Variants in MALAT1 observed in about 807,000 individuals in gnomAD.
MALAT1 encodes metastasis associated lung adenocarcinoma transcript 1.
rs765561331 is a variant in MALAT1 at position 65,499,237 on chromosome 11, G to A, written n.500G>A. ...ATTTTAATAGCTTAAGATTTTAAGA[G>A]AAAATATGAAGACTTAGAAGAGTAG... On this transcript the variant is annotated non_coding_transcript_exon_variant, in exon 3 of 4. Transcript: ENST00000619449. The A allele has an allele frequency of 7.9e-6, 4 of 504,416 alleles. No individual in the cohort carries two copies. The Admixed American group carries it at 8.3e-5, about 11-fold the overall frequency. The allele number at this position is 504,416 out of a possible 1,614,324, so 31.2% of individuals were successfully genotyped here. A position where few individuals can be genotyped will look rare whatever the true frequency, so the allele number is the denominator to read the frequency against.
downstream of MALAT1, chr11:65,506,508 G>T: frequency 3.7e-6 from 1 of 267,768 alleles, no homozygotes; most frequent in East Asian, 1.2e-4. Flanking sequence ...ATCTTGATTG[G>T]GGAAAAAAGA....
exon 3 of MALAT1, chr11:65,503,657 TAAATA>T (rs764217042): frequency 2.1e-5 from 11 of 513,312 alleles, no homozygotes; most frequent in Non-Finnish European, 3.5e-5. Context: ...TCTCCTTATT[TAAATA>T]AAATAGTGTT....
chr11:65,498,908 A>G (rs776495780), intron 2 of MALAT1: 6 of 518,592 alleles, frequency 1.2e-5, no homozygotes, highest in Non-Finnish European at 2.3e-5. Context: ...AGAAAAATCT[A>G]GAAAAGTAAA....
chr11:65,498,810 C>T (rs560761689), intron 2 of MALAT1: 24 of 518,740 alleles, frequency 4.6e-5, no homozygotes, highest in Non-Finnish European at 9.2e-5. Flanking sequence ...TTTCTTTTGT[C>T]TAAAGTTTGC....
exon 3 of MALAT1, chr11:65,499,311 G>T: frequency 2.0e-6 from 1 of 510,204 alleles, no homozygotes; most frequent in Admixed American, 2.0e-5. Flanking sequence ...CGGAGGTTGA[G>T]ATGAAGCTTC....
At chr11:65,504,202 T>C in intron 3 of MALAT1, 1 of 518,086 alleles carries the variant, frequency 1.9e-6, no homozygotes. Context: ...CTTCCTTCTG[T>C]TCTAGTGAGT....
At chr11:65,504,613 C>T (rs1355337236) in intron 3 of MALAT1, 1 of 518,726 alleles carries the variant, frequency 1.9e-6, no homozygotes, top group Non-Finnish European at 3.8e-6. Context: ...GCTTTTTGTT[C>T]ATTTCTGGTG....
intron 3 of MALAT1, chr11:65,506,170 C>A: frequency 2.4e-6 from 1 of 418,256 alleles, no homozygotes; most frequent in Non-Finnish European, 4.6e-6. Flanking sequence ...ATCCCTGCGG[C>A]GTCTTTGCTT....
At chr11:65,503,952 C>T (rs774059848) in intron 3 of MALAT1, 4 of 515,102 alleles carry the variant, frequency 7.8e-6, no homozygotes, top group Admixed American at 2.0e-5. Context: ...ATTTTATTTC[C>T]AGAAAGTCAG....
At chr11:65,503,462 A>C (rs779701501) in exon 3 of MALAT1, 1 of 517,302 alleles carries the variant, frequency 1.9e-6, no homozygotes, top group East Asian at 5.4e-5. Flanking sequence ...CCTTGATGCC[A>C]ACTAAGGAAA....
At chr11:65,501,475 C>G (rs780106896) in exon 3 of MALAT1, 2 of 515,176 alleles carry the variant, frequency 3.9e-6, no homozygotes, top group Non-Finnish European at 7.8e-6. Context: ...CTTAATCAGA[C>G]TTTAAAAGTG....
exon 3 of MALAT1, chr11:65,500,854 C>A (rs1467945612): frequency 3.9e-6 from 2 of 518,774 alleles, no homozygotes; most frequent in Admixed American, 3.9e-5. Flanking sequence ...GGGGGAGTTT[C>A]GTACTGAGGT....
chr11:65,504,043 CT>C (rs1444988820), intron 3 of MALAT1: 1 of 518,140 alleles, frequency 1.9e-6, no homozygotes, highest in Non-Finnish European at 3.9e-6. Flanking sequence ...TGCTTACAAT[CT>C]TAGAGTGGTA....
exon 3 of MALAT1, chr11:65,499,168 C>G (rs753169067): frequency 1.8e-5 from 9 of 510,172 alleles, no homozygotes; most frequent in South Asian, 1.3e-4. Context: ...AAAATATAGT[C>G]AATAGGTTAC....
exon 3 of MALAT1, chr11:65,502,426 GTT>G: frequency 2.0e-6 from 1 of 494,830 alleles, no homozygotes; most frequent in African/African-American, 2.0e-5. Flanking sequence ...GTGTAAGCAA[GTT>G]TTTTTTTAGT....
exon 3 of MALAT1, chr11:65,500,427 C>T (rs756388919): frequency 4.2e-5 from 22 of 518,814 alleles, no homozygotes; most frequent in Admixed American, 1.7e-4. Context: ...TTCAGTGAAT[C>T]TAGGAAGACA....
At chr11:65,504,598 A>G (rs1360095160) in intron 3 of MALAT1, 2 of 518,896 alleles carry the variant, frequency 3.9e-6, no homozygotes, top group East Asian at 5.4e-5. Context: ...ATTTTTAGGT[A>G]AAATGCTTTT....
At chr11:65,498,331 CGTGGGGGGCT>C in intron 1 of MALAT1, 1 of 517,794 alleles carries the variant, frequency 1.9e-6, no homozygotes, top group Non-Finnish European at 3.9e-6. Flanking sequence ...CCGTGCGGGC[CGTGGGGGGCT>C]GGCGGCAACT....
At chr11:65,502,927 A>G (rs1452326121) in exon 3 of MALAT1, 1 of 493,960 alleles carries the variant, frequency 2.0e-6, no homozygotes, top group East Asian at 5.6e-5. Context: ...TGAATTGATG[A>G]GAAATACAAT....
Sources: allele counts gnomAD v4.1 joint callset, GRCh38; gene constraint gnomAD v4.1.1; transcripts MANE v1.5; gene names NCBI Gene and HGNC (gene_info 2026-07-23, HGNC 2026-07-21).